INTS7: variants seen among roughly 807,000 people sequenced by gnomAD.
INTS7 encodes the protein integrator complex subunit 7.
Under a neutral mutation model 109.2 loss-of-function variants are expected in INTS7, and 46 were observed. The ratio of observed to expected loss-of-function variants is 0.42; its 90% CI spans 0.33 to 0.54. INTS7 has a LOEUF of 0.54. Ranked by LOEUF, INTS7 falls within the 20% of genes least tolerant of loss-of-function variation. The probability of loss-of-function intolerance (pLI) is 0.07; values close to 1 mark genes in which losing one functional copy is unlikely to be tolerated. For missense variants in INTS7, 929 were observed against 1,132.4 expected (o/e 0.82, Z 2.58); for synonymous variants, 412 against 402.9 (o/e 1.02, Z -0.27).
chr1:211,942,705 G>A lies in INTS7; in HGVS notation c.2602-594C>T, dbSNP rs1168431208. 2.0e-5 allele frequency among the ~76,000 whole-genome samples: 3 copies of A among 152,072 alleles called. No homozygotes were observed. Among genetic ancestry groups the A allele is most frequent in the Non-Finnish European group, 4.4e-5 (3 of 68,032 alleles). On this transcript the variant is annotated intron_variant, in intron 19 of 19. Coordinates refer to ENST00000366994, the MANE Select transcript of INTS7 (RefSeq NM_015434.4). This position sits in a 1 kb window ranked among gnomAD's most constrained non-coding sequence, Gnocchi z 4.2. ...TTGCTCATTTAATAAGCACTGTTTT[G>A]TTCAGACTGGAAGTACAATATGTTA...
chr1:211,951,114 T>TA (rs1663063754), intron 17 of INTS7, among the ~76,000 whole-genome samples: 1 of 152,160 alleles, frequency 6.6e-6, no homozygotes, highest in African/African-American at 2.4e-5. Context: ...AAACACTTGA[T>TA]AAAGCATGAA....
At chr1:212,022,964 C>T (rs1666772737) in intron 1 of INTS7, among the ~76,000 whole-genome samples, 1 of 152,040 alleles carries the variant, frequency 6.6e-6, no homozygotes, top group African/African-American at 2.4e-5. Flanking sequence ...CCATGTGTAC[C>T]CAATGCTTAG....
intron 16 of INTS7, among the ~76,000 whole-genome samples, chr1:211,963,250 A>G (rs1393890239): frequency 6.6e-6 from 1 of 152,192 alleles, no homozygotes; most frequent in African/African-American, 2.4e-5. Context: ...AGGAATGGAT[A>G]AATTCCTGAA....
At chr1:211,956,179 A>C (rs965079611) in intron 16 of INTS7, among the ~76,000 whole-genome samples, 1 of 152,322 alleles carries the variant, frequency 6.6e-6, no homozygotes, top group South Asian at 2.1e-4. Context: ...TTCCCATACA[A>C]TTATTTTGGC....
chr1:211,979,792 G>C (rs1164622197), intron 10 of INTS7, among the ~76,000 whole-genome samples: 1 of 152,052 alleles, frequency 6.6e-6, no homozygotes, highest in Non-Finnish European at 1.5e-5. Flanking sequence ...ACTGTAATTC[G>C]ATTCCATCTT....
chr1:211,975,452 A>G, intron 12 of INTS7, 80 bp from the exon 13 acceptor site: 2 of 1,046,056 alleles, frequency 1.9e-6, no homozygotes, highest in South Asian at 1.4e-5. Flanking sequence ...TTGATGCAGC[A>G]GCTAAAAGAG....
chr1:212,020,627 C>T (rs1209481742), intron 2 of INTS7: 3 of 397,630 alleles, frequency 7.5e-6, no homozygotes, highest in Admixed American at 5.8e-5. Flanking sequence ...GTATTGTGTG[C>T]ATATGAGCAC....
At chr1:212,015,426 G>C (rs1666382231) in intron 4 of INTS7, among the ~76,000 whole-genome samples, 1 of 152,078 alleles carries the variant, frequency 6.6e-6, no homozygotes, top group Non-Finnish European at 1.5e-5. Flanking sequence ...CCTGCTCTCT[G>C]AAACATGTGC....
At chr1:211,948,461 G>A (rs144856365) in intron 17 of INTS7, among the ~76,000 whole-genome samples, 233 of 152,290 alleles carry the variant, frequency 1.5e-3, no homozygotes, top group African/African-American at 5.5e-3. Flanking sequence ...TCTTTGAAGC[G>A]TGGACTCAGA....
intron 16 of INTS7, among the ~76,000 whole-genome samples, chr1:211,965,816 AG>A (rs1663850509): frequency 6.6e-6 from 1 of 152,198 alleles, no homozygotes; most frequent in African/African-American, 2.4e-5. Flanking sequence ...GAGGAAAAAG[AG>A]GACCAGAAAA....
chr1:211,975,493 C>T, intron 12 of INTS7, 121 bp from the exon 13 acceptor site: 1 of 682,802 alleles, frequency 1.5e-6, no homozygotes, highest in Non-Finnish European at 2.5e-6. Flanking sequence ...TCTGAACAAT[C>T]ATTCCTCATA....
rs191743120 is a variant in INTS7, at chr1:211,948,678, C to T, written c.2317-1973G>A. Reference sequence around the variant, plus strand: ...TAAATTACGTATCATGATCAGTAAACCAGCAGAAAGACGTTAACGCTTTTT... The same window carrying T: ...TAAATTACGTATCATGATCAGTAAATCAGCAGAAAGACGTTAACGCTTTTT... On this transcript the variant is annotated intron_variant, in intron 17 of 19. Transcript: ENST00000366994. 1.1e-4 allele frequency among the ~76,000 whole-genome samples: 16 copies of T among 152,290 alleles called. No homozygotes were observed. In the East Asian group the frequency reaches 3.1e-3, roughly 29 times the overall value.
At chr1:211,981,304 G>A in intron 9 of INTS7, 114 bp from the exon 10 acceptor site, 7 of 566,372 alleles carry the variant, frequency 1.2e-5, no homozygotes, top group South Asian at 3.2e-5. Context: ...TAAGATATAG[G>A]GAATTATTAA....
intron 5 of INTS7, among the ~76,000 whole-genome samples, chr1:212,010,423 T>C (rs1666117698): frequency 6.6e-6 from 1 of 152,164 alleles, no homozygotes; most frequent in African/African-American, 2.4e-5. Flanking sequence ...TAGTCTATGG[T>C]AAGGAATCTG....
In INTS7 at chr1:211,966,540, C is replaced by T. The variant is rs775559590; in HGVS notation, c.2115-42G>A. 4.8e-6 allele frequency: 6 copies of T among 1,250,512 alleles called. No individual in the cohort carries two copies. The Admixed American group carries it at 1.1e-4, about 24-fold the overall frequency. 77.5% of individuals were successfully genotyped at this position (1,250,512 alleles called of 1,614,324 possible). On this transcript the variant is annotated intron_variant, in intron 15 of 19. Coordinates refer to ENST00000366994, the MANE Select transcript of INTS7 (RefSeq NM_015434.4). ...GTTACATACGAAAATAGAGAAGAAACCCGCTATAGGTTTCTATTACTTGAA... is the reference window on the plus strand; with the variant it reads ...GTTACATACGAAAATAGAGAAGAAATCCGCTATAGGTTTCTATTACTTGAA...
At chr1:211,960,119 T>C (rs1663550127) in intron 16 of INTS7, among the ~76,000 whole-genome samples, 1 of 152,152 alleles carries the variant, frequency 6.6e-6, no homozygotes, top group Non-Finnish European at 1.5e-5. Context: ...AGTCAGTTCC[T>C]AGCCTCAAGG....
At chr1:211,962,215 T>C (rs552473873) in intron 16 of INTS7, among the ~76,000 whole-genome samples, 13 of 141,192 alleles carry the variant, frequency 9.2e-5, no homozygotes, top group Non-Finnish European at 1.8e-4. Context: ...AAAGCAGCAG[T>C]TGCAATCCTA....
rs779569892 is a variant in INTS7 at position 211,942,002 on chromosome 1, ATGT to A, written c.2708_2710del (p.Asn903del). ...ATCTTTCACAGAAGATTCCACTGTAATGTTGTGTGTTCCAAGGATAGCAAAGTT... is the reference window on the plus strand; with the variant it reads ...ATCTTTCACAGAAGATTCCACTGTAATGTGTGTTCCAAGGATAGCAAAGTT... On this transcript the variant is annotated inframe_deletion, in exon 20 of 20. Coordinates refer to ENST00000366994, the MANE Select transcript of INTS7 (RefSeq NM_015434.4). The surrounding 1 kb of genome is among the most constrained non-coding windows in gnomAD (Gnocchi z 4.2). The A allele has an allele frequency of 3.7e-6, 6 of 1,614,110 alleles. No homozygotes were observed. The African/African-American group carries it at 8.0e-5, about 22-fold the overall frequency.
chr1:211,973,256 C>T (rs1162177853), intron 13 of INTS7, among the ~76,000 whole-genome samples: 4 of 152,172 alleles, frequency 2.6e-5, no homozygotes, highest in Admixed American at 6.5e-5. Context: ...TATGCCTGGA[C>T]TTTTCTGACC....
Sources: gnomAD v4.1 joint callset for allele counts (sites outside exome capture counted in the v4.1 genomes callset) on GRCh38, gnomAD v4.1.1 for gene constraint, Gnocchi (gnomAD v3.1) non-coding constraint, MANE v1.5 for transcripts, NCBI Gene and HGNC (gene_info 2026-07-23, HGNC 2026-07-21) for gene names.